The following EBF2 variants were observed in gnomAD, a reference collection of about 807,000 sequenced individuals.
EBF2 encodes EBF transcription factor 2.
A neutral mutation model predicts 72.8 loss-of-function variants in EBF2; 21 were observed. The ratio of observed to expected loss-of-function variants is 0.29; its 90% CI spans 0.20 to 0.42. The LOEUF (loss-of-function observed/expected upper bound fraction) is 0.42, where lower values mean the gene tolerates loss of function less well. Among genes scored for constraint, EBF2 ranks in the 10% least tolerant of loss-of-function variants. The pLI is 1.00. For missense variants in EBF2, 637 were observed against 731.2 expected (o/e 0.87, Z 1.49); for synonymous variants, 299 against 274.2 (o/e 1.09, Z -0.89).
At position 25,958,398 on chromosome 8, in the gene EBF2, G is replaced by A. The variant is rs1047396281; in HGVS notation, c.552-49843C>T. Among the ~76,000 whole-genome samples the A allele has an allele frequency of 3.3e-4, 38 of 116,640 alleles. 1 individual carries two copies. The highest frequency in any genetic ancestry group is 1.6e-3 in the Admixed American group (16 of 10,222). The allele number at this position is 116,640 out of a possible 152,430, so 76.5% of individuals were successfully genotyped here. A position where few individuals can be genotyped will look rare whatever the true frequency, so the allele number is the denominator to read the frequency against. On this transcript the variant is annotated intron_variant, in intron 6 of 15. Coordinates refer to ENST00000520164, the MANE Select transcript of EBF2 (RefSeq NM_022659.4). ...CACCTCCACTCATTATGATTTCCCC[G>A]GCATTTTTTTTTTTCTTCCTGCCCC...
At chr8:25,971,395 G>C (rs1162301175) in intron 6 of EBF2, among the ~76,000 whole-genome samples, 1 of 152,168 alleles carries the variant, frequency 6.6e-6, no homozygotes, top group African/African-American at 2.4e-5. Context: ...CCCGTATGAA[G>C]GTGGCAGCGG....
chr8:25,972,870 CTT>C (rs35053241), intron 6 of EBF2, among the ~76,000 whole-genome samples: 7 of 124,710 alleles, frequency 5.6e-5, no homozygotes, highest in African/African-American at 1.2e-4. Flanking sequence ...TGCAGTTTGG[CTT>C]TTTTTTTTTT....
At chr8:25,888,477 T>C (rs370766752) in intron 8 of EBF2, among the ~76,000 whole-genome samples, 9 of 152,210 alleles carry the variant, frequency 5.9e-5, no homozygotes, top group African/African-American at 1.9e-4. Flanking sequence ...GCCCATATTT[T>C]TATAAGTTGA....
intron 6 of EBF2, among the ~76,000 whole-genome samples, chr8:25,917,056 T>C (rs1035942900): frequency 1.3e-5 from 2 of 152,136 alleles, no homozygotes; most frequent in Non-Finnish European, 2.9e-5. Flanking sequence ...ATAGCCCAAG[T>C]GGCAAGCAGT....
intron 6 of EBF2, among the ~76,000 whole-genome samples, chr8:25,933,917 G>C (rs1241597709): frequency 1.3e-5 from 2 of 152,016 alleles, no homozygotes. Context: ...CATTTTATTT[G>C]TCCATATTTT....
intron 6 of EBF2, among the ~76,000 whole-genome samples, chr8:25,979,209 T>A (rs1804318610): frequency 6.6e-6 from 1 of 152,114 alleles, no homozygotes; most frequent in Non-Finnish European, 1.5e-5. Context: ...CGACAGTGTT[T>A]GAGGGTGAAA....
intron 6 of EBF2, among the ~76,000 whole-genome samples, chr8:25,971,161 A>G (rs1049811485): frequency 3.3e-5 from 5 of 152,164 alleles, no homozygotes; most frequent in African/African-American, 7.2e-5. Context: ...GTTTCACCTC[A>G]ACAAAAATTC....
chr8:25,927,587 G>C (rs1034228802), intron 6 of EBF2, among the ~76,000 whole-genome samples: 1 of 152,012 alleles, frequency 6.6e-6, no homozygotes, highest in Non-Finnish European at 1.5e-5. Flanking sequence ...TTCTGCTAGG[G>C]TGGGCAACTC....
rs148634435 is a variant in EBF2 at position 25,952,671 on chromosome 8, A to G, written c.552-44116T>C. Reference sequence around the variant, plus strand: ...ACTTCATGTCTAGATATCCTCCCCAATCAGCCCTTCATCTATGCAAGTTTT... The same window carrying G: ...ACTTCATGTCTAGATATCCTCCCCAGTCAGCCCTTCATCTATGCAAGTTTT... On this transcript the variant is annotated intron_variant, in intron 6 of 15. Coordinates refer to ENST00000520164, the MANE Select transcript of EBF2 (RefSeq NM_022659.4). Among the ~76,000 whole-genome samples, 894 of 152,180 alleles carry G rather than the reference A, an allele frequency of 5.9e-3. 6 individuals carry two copies. The highest frequency in any genetic ancestry group is 0.01 in the Non-Finnish European group (703 of 67,996).
At chr8:25,868,354 T>A (rs977476422) in intron 10 of EBF2, among the ~76,000 whole-genome samples, 1 of 152,266 alleles carries the variant, frequency 6.6e-6, no homozygotes, top group Non-Finnish European at 1.5e-5. Context: ...TCTTATTTCA[T>A]CTATCTTTTT....
At chr8:25,851,375 G>A (rs1563374188) in intron 14 of EBF2, among the ~76,000 whole-genome samples, 4 of 139,758 alleles carry the variant, frequency 2.9e-5, no homozygotes, top group Non-Finnish European at 4.6e-5. Flanking sequence ...GCTGCAAGTC[G>A]GCCTCCCCTG....
intron 6 of EBF2, among the ~76,000 whole-genome samples, chr8:26,015,378 T>C (rs1486448484): frequency 1.3e-5 from 2 of 152,226 alleles, no homozygotes; most frequent in African/African-American, 2.4e-5. Flanking sequence ...CACAAGGGCA[T>C]GCCCTTTCAT....
In EBF2 at chr8:26,036,738, A is replaced by C. The variant is rs144175607; in HGVS notation, c.482+3290T>G. Among the ~76,000 whole-genome samples, 3 of 152,256 alleles carry C rather than the reference A, an allele frequency of 2.0e-5. No homozygotes were observed. In the East Asian group the frequency reaches 5.8e-4, roughly 29 times the overall value. On this transcript the variant is annotated intron_variant, in intron 5 of 15. Transcript: ENST00000520164. ...AGGTCCCTGAATTACTCAGATGATA[A>C]ACTCAATTCTGCCTTCCCTTTGCTG...
intron 14 of EBF2, among the ~76,000 whole-genome samples, chr8:25,856,549 G>A (rs1802097666): frequency 6.6e-6 from 1 of 152,114 alleles, no homozygotes; most frequent in Non-Finnish European, 1.5e-5. Flanking sequence ...GGCTCTGACT[G>A]GACTCTAGAT....
rs541890916 is a variant in EBF2 at position 26,006,786 on chromosome 8, T to C, written c.551+26299A>G. On this transcript the variant is annotated intron_variant, in intron 6 of 15. Coordinates refer to ENST00000520164, the MANE Select transcript of EBF2 (RefSeq NM_022659.4). ...AAATAGGATTTTAACTTCTGTGTTA[T>C]TCCTCTTCAGAACCACTGCAATTTC... Among the ~76,000 whole-genome samples the C allele has an allele frequency of 2.0e-5, 3 of 152,344 alleles. No individual in the cohort carries two copies. In the East Asian group the frequency reaches 5.8e-4, roughly 29 times the overall value.
intron 7 of EBF2, among the ~76,000 whole-genome samples, chr8:25,908,146 T>C (rs1232485101): frequency 6.6e-6 from 1 of 152,066 alleles, no homozygotes; most frequent in Non-Finnish European, 1.5e-5. Flanking sequence ...CTCTGAAAAA[T>C]CCCAAGGTGG....
intron 6 of EBF2, among the ~76,000 whole-genome samples, chr8:25,992,919 T>C (rs1346805340): frequency 6.6e-6 from 1 of 150,416 alleles, no homozygotes. Flanking sequence ...AAAAAAATCA[T>C]ATTTGGAAAT....
intron 6 of EBF2, among the ~76,000 whole-genome samples, chr8:25,990,167 A>G (rs76570639): frequency 0.014 from 2,077 of 151,474 alleles, 22 homozygotes; most frequent in Non-Finnish European, 0.021. Context: ...CTGCATGTAT[A>G]TAATACAGAG....
At chr8:25,934,665 A>G (rs1469820527) in intron 6 of EBF2, among the ~76,000 whole-genome samples, 3 of 152,174 alleles carry the variant, frequency 2.0e-5, no homozygotes, top group African/African-American at 7.2e-5. Context: ...CACAATGTGC[A>G]TGGCTGGAGC....
Sources: allele counts gnomAD v4.1 joint callset (sites outside exome capture counted in the v4.1 genomes callset), GRCh38; gene constraint gnomAD v4.1.1; transcripts MANE v1.5; gene names NCBI Gene and HGNC (gene_info 2026-07-23, HGNC 2026-07-21).